The following CCZ1 variants were observed in gnomAD, a reference collection of about 807,000 sequenced individuals.
CCZ1 encodes the protein CCZ1 vacuolar protein trafficking and biogenesis associated.
A neutral mutation model predicts 57.8 loss-of-function variants in CCZ1; 19 were observed. That is an observed-to-expected ratio of 0.33 (90% CI 0.23 to 0.48). CCZ1 has a LOEUF of 0.48. CCZ1 is among the 20% of genes least tolerant of loss of function. The pLI, the probability that CCZ1 is intolerant of heterozygous loss-of-function variation, is 0.99. For missense variants in CCZ1, 200 were observed against 492.0 expected, an observed-to-expected ratio of 0.41 and a Z score of 5.61; for synonymous variants, 81 against 167.0, an observed-to-expected ratio of 0.49 and a Z score of 3.97.
At chr7:5,922,814 C>G (rs1049320738) in intron 12 of CCZ1, among the ~76,000 whole-genome samples, 3 of 146,826 alleles carry the variant, frequency 2.0e-5, no homozygotes, top group South Asian at 2.1e-4. Context: ...GACACTCATT[C>G]CCCGCACTGT....
chr7:5,920,603 C>A (rs1779221109), intron 12 of CCZ1, among the ~76,000 whole-genome samples: 1 of 134,088 alleles, frequency 7.5e-6, no homozygotes, highest in African/African-American at 2.7e-5. Flanking sequence ...TCTTGAGTAG[C>A]TGGGATTACA....
intron 6 of CCZ1, 91 bp downstream of exon 6, chr7:5,902,835 A>G: frequency 3.5e-6 from 5 of 1,440,958 alleles, no homozygotes; most frequent in Admixed American, 2.4e-5. Flanking sequence ...CTTATATACA[A>G]AAAACCCAGA....
intron 9 of CCZ1, among the ~76,000 whole-genome samples, chr7:5,912,599 C>T (rs1168308168): frequency 3.3e-5 from 5 of 149,466 alleles, no homozygotes; most frequent in Middle Eastern, 3.4e-3. Context: ...GAGGTTTTGC[C>T]ATGTTGGCCA....
intron 6 of CCZ1, among the ~76,000 whole-genome samples, chr7:5,904,404 A>G (rs1225629589): frequency 4.1e-5 from 6 of 146,412 alleles, no homozygotes; most frequent in African/African-American, 1.6e-4. Context: ...AAAACTTGAA[A>G]GTGCTAGCTG....
intron 8 of CCZ1, among the ~76,000 whole-genome samples, chr7:5,910,706 T>TTTTATTTTC (rs750179208): frequency 8.1e-6 from 1 of 123,688 alleles, no homozygotes; most frequent in Non-Finnish European, 1.7e-5. Flanking sequence ...ATGTATTTTA[T>TTTTATTTTC]TTTATTTATT....
chr7:5,916,588 C>T (rs1316993763), intron 10 of CCZ1, among the ~76,000 whole-genome samples: 1 of 145,412 alleles, frequency 6.9e-6, no homozygotes, highest in Non-Finnish European at 1.5e-5. Flanking sequence ...CCGTTGGGGT[C>T]ATGTGGACAG....
rs1312900137 is a variant in CCZ1 at position 5,898,750 on chromosome 7, C to T, written c.-50C>T. 5.5e-6 allele frequency: 2 copies of T among 365,790 alleles called. No individual in the cohort carries two copies. The highest frequency in any genetic ancestry group is 9.2e-6 in the Non-Finnish European group (2 of 216,448). The allele number at this position is 365,790 out of a possible 1,614,324, so 22.7% of individuals were successfully genotyped here. ...AGTGCGGTGTTTTAGCCGGTGGCTG[C>T]TGTCTCTGGGCGGGCCGTGGGAGGC... On this transcript the variant is annotated 5_prime_UTR_variant, in exon 1 of 15. Transcript: ENST00000325974.
intron 1 of CCZ1, among the ~76,000 whole-genome samples, chr7:5,899,334 G>GGGTGTGTGGGTGTGTGTGTGTGT (rs1781626415): frequency 8.0e-5 from 1 of 12,556 alleles, no homozygotes; most frequent in African/African-American, 2.8e-4. Context: ...TCGGGAGGGG[G>GGGTGTGTGGGTGTGTGTGTGTGT]GTGTGTGTGT....
Position 5,909,558 on chromosome 7 carries a change from T to C in CCZ1, c.699-477T>C, listed in dbSNP as rs562731334. Among the ~76,000 whole-genome samples, 187 of 146,954 alleles carry C rather than the reference T, an allele frequency of 1.3e-3. 3 individuals are homozygous for C. The highest frequency in any genetic ancestry group is 4.4e-3 in the African/African-American group (175 of 39,538). On this transcript the variant is annotated intron_variant, in intron 7 of 14. Coordinates refer to ENST00000325974, the MANE Select transcript of CCZ1 (RefSeq NM_015622.6). ...CTCTACATAAAATACAAAAATTAGC[T>C]GATGGTGGCGCATGCCTGTAGTCCC...
At chr7:5,909,434 G>A (rs1438411355) in intron 7 of CCZ1, among the ~76,000 whole-genome samples, 1 of 150,290 alleles carries the variant, frequency 6.7e-6, no homozygotes, top group African/African-American at 2.5e-5. Context: ...AGGCACAGTG[G>A]CTCACATATG....
intron 12 of CCZ1, among the ~76,000 whole-genome samples, chr7:5,920,644 G>A (rs1401288009): frequency 7.1e-6 from 1 of 140,872 alleles, no homozygotes; most frequent in Admixed American, 7.1e-5. Context: ...GCTCCTTTTT[G>A]TATTTTTAGT....
intron 6 of CCZ1, among the ~76,000 whole-genome samples, chr7:5,903,823 C>G (rs1183641727): frequency 6.8e-6 from 1 of 146,696 alleles, no homozygotes; most frequent in Non-Finnish European, 1.5e-5. Flanking sequence ...GAAACCTCAT[C>G]TCTACTAAAA....
In CCZ1 at chr7:5,921,276, C is replaced by T. The variant is rs1334661830; in HGVS notation, c.1106+1310C>T. ...TTGTATAACCGTGGGCCTCTAAGAGCGCAGAAGCGAGCAAAGGTGAAAGCA... is the reference window on the plus strand; with the variant it reads ...TTGTATAACCGTGGGCCTCTAAGAGTGCAGAAGCGAGCAAAGGTGAAAGCA... On this transcript the variant is annotated intron_variant, in intron 12 of 14. Transcript: ENST00000325974. Among the ~76,000 whole-genome samples the T allele has an allele frequency of 9.1e-5, 11 of 120,944 alleles. 1 individual carries two copies. In the South Asian group the frequency reaches 1.2e-3, roughly 13 times the overall value. 79.3% of individuals were successfully genotyped at this position (120,944 alleles called of 152,430 possible).
Position 5,904,775 on chromosome 7 carries a change from G to A in CCZ1, c.523-319G>A, listed in dbSNP as rs2528323. 4.8e-4 allele frequency among the ~76,000 whole-genome samples: 71 copies of A among 146,642 alleles called. 2 individuals carry two copies. The highest frequency in any genetic ancestry group is 4.2e-3 in the South Asian group (18 of 4,302). Reference sequence around the variant, plus strand: ...GAACCTGGAAGGCGGAGCTTGCAGTGAGCTGAGATCGCACCACTGCACTCC... The same window carrying A: ...GAACCTGGAAGGCGGAGCTTGCAGTAAGCTGAGATCGCACCACTGCACTCC... On this transcript the variant is annotated intron_variant, in intron 6 of 14. Transcript: ENST00000325974.
chr7:5,916,387 G>A (rs1482055110), intron 10 of CCZ1, among the ~76,000 whole-genome samples: 18 of 131,736 alleles, frequency 1.4e-4, no homozygotes, highest in Admixed American at 6.8e-4. Context: ...AAATCAGCCC[G>A]GGGAAGAGGC....
At chr7:5,909,953 T>G (rs1781931264) in intron 7 of CCZ1, 82 bp from the exon 8 acceptor site, 1 of 1,236,542 alleles carries the variant, frequency 8.1e-7, no homozygotes. Context: ...AAAAAAATTT[T>G]TGTTTAATGA....
At chr7:5,920,415 A>T (rs1583192346) in intron 12 of CCZ1, among the ~76,000 whole-genome samples, 1 of 106,358 alleles carries the variant, frequency 9.4e-6, no homozygotes, top group Non-Finnish European at 2.0e-5. Flanking sequence ...GAGAGGCGGG[A>T]TTCACTCCTC....
At chr7:5,913,023 G>A (rs1779072165) in intron 10 of CCZ1, 69 bp downstream of exon 10, 1 of 1,564,406 alleles carries the variant, frequency 6.4e-7, no homozygotes, top group South Asian at 1.2e-5. Context: ...GTGTACACGA[G>A]TGCATGTGCA....
Position 5,901,555 on chromosome 7 carries a change from C to T in CCZ1, c.391-102C>T, listed in dbSNP as rs570542223. 1.7e-5 allele frequency: 25 copies of T among 1,457,072 alleles called. 2 individuals carry two copies. The highest frequency in any genetic ancestry group is 8.9e-5 in the Admixed American group (4 of 45,142). The allele number at this position is 1,457,072 out of a possible 1,614,324, so 90.3% of individuals were successfully genotyped here. Reference sequence around the variant, plus strand: ...ACTATTGTGGGACAAAGTTTATAAACATTATACTGTTTGGCCAAGAGTTAG... The same window carrying T: ...ACTATTGTGGGACAAAGTTTATAAATATTATACTGTTTGGCCAAGAGTTAG... On this transcript the variant is annotated intron_variant, in intron 4 of 14. Coordinates refer to ENST00000325974, the MANE Select transcript of CCZ1 (RefSeq NM_015622.6).
Sources: allele counts gnomAD v4.1 joint callset (sites outside exome capture counted in the v4.1 genomes callset), GRCh38; gene constraint gnomAD v4.1.1; transcripts MANE v1.5; gene names NCBI Gene and HGNC (gene_info 2026-07-23, HGNC 2026-07-21).